The following ZNF727 variants were observed in gnomAD, a reference collection of about 807,000 sequenced individuals.
ZNF727 encodes the protein zinc finger protein 727.
Under a neutral mutation model 11.5 loss-of-function variants are expected in ZNF727, and 11 were observed. The observed-to-expected ratio is 0.95, with a 90% CI of 0.60 to 1.58. The LOEUF (loss-of-function observed/expected upper bound fraction) is 1.58, where lower values mean the gene tolerates loss of function less well. Among genes scored for constraint, ZNF727 ranks in the 40% most tolerant of loss-of-function variants. The pLI is 0.00. For synonymous variants in ZNF727, 171 were observed against 196.1 expected, an observed-to-expected ratio of 0.87 and a Z score of 1.07; for missense variants, 533 against 581.7, an observed-to-expected ratio of 0.92 and a Z score of 0.86.
intron 3 of ZNF727, among the ~76,000 whole-genome samples, chr7:64,073,854 G>A (rs935843180): frequency 3.3e-5 from 5 of 152,026 alleles, no homozygotes; most frequent in African/African-American, 1.2e-4. Context: ...CTCTAGTATT[G>A]TAACAAGCAT....
intron 1 of ZNF727, among the ~76,000 whole-genome samples, chr7:64,055,597 G>A (rs373868149): frequency 9.2e-5 from 14 of 151,942 alleles, no homozygotes; most frequent in African/African-American, 3.1e-4. Flanking sequence ...TACCATTCTC[G>A]GTCAGTTATG....
rs1785839533 is a variant in ZNF727 at position 64,084,304 on chromosome 7, T to A, written c.*5755T>A. The stretch of plus-strand genomic sequence containing the variant: ...GCAAACTAAGGTAATTAAAATACAG[T>A]GAGTTTCAAAATGCCTTTTTAATGA... On this transcript the variant is annotated 3_prime_UTR_variant, in exon 4 of 4. Coordinates refer to ENST00000456806, the MANE Select transcript of ZNF727 (RefSeq NM_001159522.3). 6.6e-6 allele frequency among the ~76,000 whole-genome samples: 1 copy of A among 152,218 alleles called. No individual in the cohort carries two copies. The highest frequency in any genetic ancestry group is 2.4e-5 in the African/African-American group (1 of 41,460).
In ZNF727 at chr7:64,084,340, A is replaced by T. The variant is rs1785840166; in HGVS notation, c.*5791A>T. On this transcript the variant is annotated 3_prime_UTR_variant, in exon 4 of 4. Coordinates refer to ENST00000456806, the MANE Select transcript of ZNF727 (RefSeq NM_001159522.3). ...ATGCCTTTTTAATGACAATGTATGA[A>T]CTTAATTTATTTTAATAAACCAAAA... Among the ~76,000 whole-genome samples the T allele has an allele frequency of 6.6e-6, 1 of 152,210 alleles. No individual in the cohort carries two copies. Among genetic ancestry groups the T allele is most frequent in the Non-Finnish European group, 1.5e-5 (1 of 68,030 alleles).
chr7:64,045,500 A>T lies in ZNF727; in HGVS notation c.-122A>T. The T allele has an allele frequency of 1.5e-6, 2 of 1,348,406 alleles. No individual in the cohort carries two copies. The highest frequency in any genetic ancestry group is 2.0e-4 in the Middle Eastern group (1 of 5,084). 83.5% of individuals were successfully genotyped at this position (1,348,406 alleles called of 1,614,324 possible). A position where few individuals can be genotyped will look rare whatever the true frequency, so the allele number is the denominator to read the frequency against. On this transcript the variant is annotated 5_prime_UTR_variant, in exon 1 of 4. Coordinates refer to ENST00000456806, the MANE Select transcript of ZNF727 (RefSeq NM_001159522.3). ...GGCTCTGAGTCCAGTACCCGTCTGT[A>T]CTATTCCATCTCTTCCGCTCCATTA...
In ZNF727 at chr7:64,084,503, A is replaced by G. The variant is rs923622315; in HGVS notation, c.*5954A>G. Among the ~76,000 whole-genome samples the G allele has an allele frequency of 2.0e-5, 3 of 152,176 alleles. No homozygotes were observed. The highest frequency in any genetic ancestry group is 7.2e-5 in the African/African-American group (3 of 41,470). ...TGTGTGACTGTGGAATAACATCTCT[A>G]GTGATTTCTTTGTCAGTGGTCTTTA... On this transcript the variant is annotated 3_prime_UTR_variant, in exon 4 of 4. Transcript: ENST00000456806.
Position 64,073,531 on chromosome 7 carries a change from CTTCTT to C in ZNF727, c.227-3739_227-3735del, listed in dbSNP as rs1243946160. On this transcript the variant is annotated intron_variant, in intron 3 of 3. Coordinates refer to ENST00000456806, the MANE Select transcript of ZNF727 (RefSeq NM_001159522.3). Reference sequence around the variant, plus strand: ...CATCTTTGTCGGATAATGCAAAGATCTTCTTTTCTTAAGGATTGAGTTTTGGAAAT... The same window carrying C: ...CATCTTTGTCGGATAATGCAAAGATCTTCTTAAGGATTGAGTTTTGGAAAT... Among the ~76,000 whole-genome samples the C allele has an allele frequency of 4.0e-5, 6 of 151,886 alleles. No homozygotes were observed. The Middle Eastern group carries it at 0.01, about 260-fold the overall frequency.
intron 1 of ZNF727, among the ~76,000 whole-genome samples, chr7:64,051,160 T>A (rs1789592040): frequency 6.6e-6 from 1 of 152,176 alleles, no homozygotes; most frequent in African/African-American, 2.4e-5. Context: ...CAACAAAAGT[T>A]TCCATTACAC....
At chr7:64,051,809 T>G (rs1789602286) in intron 1 of ZNF727, among the ~76,000 whole-genome samples, 2 of 152,322 alleles carry the variant, frequency 1.3e-5, no homozygotes, top group South Asian at 4.1e-4. Flanking sequence ...TTACTAGAAT[T>G]TAGCCAGGCA....
At chr7:64,048,901 A>C (rs1789549645) in intron 1 of ZNF727, among the ~76,000 whole-genome samples, 1 of 152,178 alleles carries the variant, frequency 6.6e-6, no homozygotes. Flanking sequence ...CATCTAAAAC[A>C]GATTGGTGGC....
intron 3 of ZNF727, among the ~76,000 whole-genome samples, chr7:64,072,910 AG>A (rs1789984699): frequency 6.6e-6 from 1 of 152,082 alleles, no homozygotes; most frequent in Non-Finnish European, 1.5e-5. Context: ...CGTATCACCC[AG>A]GCTGGTCTCA....
chr7:64,058,386 C>T (rs758534115), intron 1 of ZNF727, among the ~76,000 whole-genome samples: 10 of 152,164 alleles, frequency 6.6e-5, no homozygotes, highest in Non-Finnish European at 1.5e-4. Context: ...ATAATTTGCT[C>T]ACAACCCTCT....
At chr7:64,048,207 T>C (rs999687055) in intron 1 of ZNF727, among the ~76,000 whole-genome samples, 2 of 152,208 alleles carry the variant, frequency 1.3e-5, no homozygotes, top group Non-Finnish European at 2.9e-5. Context: ...ACCACAAATG[T>C]TTTCTAAGAG....
intron 1 of ZNF727, among the ~76,000 whole-genome samples, chr7:64,050,192 T>G (rs1053543667): frequency 2.6e-5 from 4 of 152,178 alleles, no homozygotes; most frequent in Non-Finnish European, 5.9e-5. Flanking sequence ...TTGGGCTTTT[T>G]TTTTAATTCA....
intron 3 of ZNF727, among the ~76,000 whole-genome samples, chr7:64,072,251 G>T (rs1263721782): frequency 6.6e-6 from 1 of 152,052 alleles, no homozygotes; most frequent in Non-Finnish European, 1.5e-5. Context: ...GTGGAGAGGG[G>T]TTATACGTGG....
chr7:64,077,650 A>G lies in ZNF727; in HGVS notation c.601A>G (p.Lys201Glu). The G allele has an allele frequency of 1.3e-6, 2 of 1,555,328 alleles. No individual in the cohort carries two copies. The highest frequency in any genetic ancestry group is 1.7e-6 in the Non-Finnish European group (2 of 1,149,236). Residue 201 changes from lysine (K) to glutamate (E), a missense_variant, in exon 4 of 4, where the codon AAA (lysine) becomes GAA (glutamate). Transcript: ENST00000456806. ...KRIHTADRSY[K>E]CEECGKACKK... ...AATTCATACTGCAGATAGAAGTTAC[A>G]AATGTGAAGAATGTGGCAAAGCCTG...
At chr7:64,051,109 C>T (rs1244431727) in intron 1 of ZNF727, among the ~76,000 whole-genome samples, 1 of 151,746 alleles carries the variant, frequency 6.6e-6, no homozygotes, top group African/African-American at 2.4e-5. Flanking sequence ...CCACAGTATA[C>T]AGTTTTATTT....
At chr7:64,050,760 G>C (rs1342633968) in intron 1 of ZNF727, among the ~76,000 whole-genome samples, 1 of 145,920 alleles carries the variant, frequency 6.9e-6, no homozygotes, top group Non-Finnish European at 1.5e-5. Flanking sequence ...ATATGTGTGT[G>C]TATGTATGCA....
chr7:64,075,322 A>G (rs560070511), intron 3 of ZNF727, among the ~76,000 whole-genome samples: 1 of 152,286 alleles, frequency 6.6e-6, no homozygotes, highest in East Asian at 1.9e-4. Context: ...TATTAATGAC[A>G]TAATAAATAT....
At position 64,084,195 on chromosome 7, in the gene ZNF727, T is replaced by C. The variant is rs1488187936; in HGVS notation, c.*5646T>C. ...AACAGCATTATAAGTGACAGGGTGA[T>C]AGAAGTGTGGTAAGTGATTAGGATA... is the stretch of plus-strand genomic sequence containing the variant. On this transcript the variant is annotated 3_prime_UTR_variant, in exon 4 of 4. Coordinates refer to ENST00000456806, the MANE Select transcript of ZNF727 (RefSeq NM_001159522.3). Among the ~76,000 whole-genome samples, 1 of 152,190 alleles carries C rather than the reference T, an allele frequency of 6.6e-6. No individual in the cohort carries two copies. The highest frequency in any genetic ancestry group is 1.5e-5 in the Non-Finnish European group (1 of 68,034).
Sources: gnomAD v4.1 joint callset for allele counts (sites outside exome capture counted in the v4.1 genomes callset) on GRCh38, gnomAD v4.1.1 for gene constraint, MANE v1.5 for transcripts, NCBI Gene and HGNC (gene_info 2026-07-23, HGNC 2026-07-21) for gene names.